Variants in RUVBL1 observed in about 807,000 individuals in gnomAD.
RUVBL1 encodes ruvB-like 1.
A neutral mutation model predicts 52.4 loss-of-function variants in RUVBL1; 4 were observed. The observed-to-expected ratio is 0.08, with a 90% CI of 0.04 to 0.17. The LOEUF is 0.17. RUVBL1 is among the 10% of genes least tolerant of loss of function. RUVBL1 has a pLI of 1.00. For missense variants in RUVBL1, 298 were observed against 572.8 expected (o/e 0.52, Z 4.90); for synonymous variants, 217 against 214.4 (o/e 1.01, Z -0.10).
chr3:128,105,433 T>C (rs1315850762), intron 3 of RUVBL1, among the ~76,000 whole-genome samples: 1 of 152,122 alleles, frequency 6.6e-6, no homozygotes, highest in East Asian at 1.9e-4. Context: ...AATGCAACTT[T>C]TTAAGGGAAC....
chr3:128,123,804 G>C lies in RUVBL1; in HGVS notation c.-80C>G, dbSNP rs559436443. 9.5e-6 allele frequency: 14 copies of C among 1,481,140 alleles called. No individual in the cohort carries two copies. The Admixed American group carries it at 1.8e-4, about 19-fold the overall frequency. 91.7% of individuals were successfully genotyped at this position (1,481,140 alleles called of 1,614,324 possible). A position where few individuals can be genotyped will look rare whatever the true frequency, so the allele number is the denominator to read the frequency against. On this transcript the variant is annotated 5_prime_UTR_variant, in exon 1 of 11. Coordinates refer to ENST00000322623, the MANE Select transcript of RUVBL1 (RefSeq NM_003707.3). Reference sequence around the variant, plus strand: ...CGCCCGGCGCCTGAGTTACCATGCGGCCGTTACTAGGGCAATTTGCAAAGG... The same window carrying C: ...CGCCCGGCGCCTGAGTTACCATGCGCCCGTTACTAGGGCAATTTGCAAAGG...
intron 4 of RUVBL1, among the ~76,000 whole-genome samples, chr3:128,104,560 T>C (rs1022914350): frequency 2.0e-5 from 3 of 152,208 alleles, no homozygotes; most frequent in African/African-American, 7.2e-5. Flanking sequence ...TAGGAGTAAG[T>C]AAGAAAAGAG....
At chr3:128,141,028 T>C (rs1365500192) in intron 1 of RUVBL1, among the ~76,000 whole-genome samples, 2 of 152,230 alleles carry the variant, frequency 1.3e-5, no homozygotes, top group Non-Finnish European at 1.5e-5. Flanking sequence ...CTGTTGTTTT[T>C]ATTGTATTTA....
At chr3:128,074,706 G>T (rs935482833) in intron 9 of RUVBL1, among the ~76,000 whole-genome samples, 7 of 152,010 alleles carry the variant, frequency 4.6e-5, no homozygotes, top group Non-Finnish European at 8.8e-5. Flanking sequence ...GCTGGGTGTG[G>T]TGGCATGCGC....
intron 1 of RUVBL1, among the ~76,000 whole-genome samples, chr3:128,122,084 C>A (rs1206485503): frequency 6.7e-6 from 1 of 149,702 alleles, no homozygotes; most frequent in Non-Finnish European, 1.5e-5. Flanking sequence ...TGCACTTAGG[C>A]ATAGAGCATG....
Position 128,098,995 on chromosome 3 carries a change from G to A in RUVBL1, c.754-50C>T, listed in dbSNP as rs768218387. ...AGTGCTGCTTTCTAAGGTGACTACAGAAGCCTCATCCCCCTGCATCCCACT... is the reference window on the plus strand; with the variant it reads ...AGTGCTGCTTTCTAAGGTGACTACAAAAGCCTCATCCCCCTGCATCCCACT... On this transcript the variant is annotated intron_variant, in intron 6 of 10. Coordinates refer to ENST00000322623, the MANE Select transcript of RUVBL1 (RefSeq NM_003707.3). 4 of 1,493,268 alleles carry A rather than the reference G, an allele frequency of 2.7e-6. No homozygotes were observed. In the African/African-American group the frequency reaches 5.5e-5, roughly 21 times the overall value. The allele number at this position is 1,493,268 out of a possible 1,614,324, so 92.5% of individuals were successfully genotyped here.
chr3:128,081,572 CAGAG>C lies in RUVBL1; in HGVS notation c.1212-167_1212-164del, dbSNP rs1942477397. On this transcript the variant is annotated intron_variant, in intron 10 of 10. Coordinates refer to ENST00000322623, the MANE Select transcript of RUVBL1 (RefSeq NM_003707.3). The surrounding 1 kb of genome is among the most constrained non-coding windows in gnomAD (Gnocchi z 4.8). Reference sequence around the variant, plus strand: ...AAGGGGAGACAAAGTTGTCACTTCTCAGAGAGCTGCAGTCATTATCCCATCAGAG... The same window carrying C: ...AAGGGGAGACAAAGTTGTCACTTCTCAGCTGCAGTCATTATCCCATCAGAG... 3.0e-6 allele frequency: 2 copies of C among 672,936 alleles called. No homozygotes were observed. The highest frequency in any genetic ancestry group is 4.9e-6 in the Non-Finnish European group (2 of 404,456). The allele number at this position is 672,936 out of a possible 1,614,324, so 41.7% of individuals were successfully genotyped here.
chr3:128,071,474 AG>A (rs1470685055), intron 9 of RUVBL1: 1 of 152,694 alleles, frequency 6.5e-6, no homozygotes, highest in Non-Finnish European at 1.5e-5. Flanking sequence ...GGAAGGCACC[AG>A]GCCTCAGGAG....
exon 1 of RUVBL1, chr3:128,153,348 C>T (rs541077038): frequency 1.4e-6 from 2 of 1,380,990 alleles, no homozygotes; most frequent in East Asian, 6.0e-5. Flanking sequence ...GCACGGCGCT[C>T]GGCTGTGCCC....
intron 1 of RUVBL1, among the ~76,000 whole-genome samples, chr3:128,151,405 A>T (rs2107742363): frequency 6.6e-6 from 1 of 151,638 alleles, no homozygotes; most frequent in East Asian, 1.9e-4. Context: ...GATTCTGTTT[A>T]AAACAGAGGT....
intron 3 of RUVBL1, 65 bp downstream of exon 3, chr3:128,112,823 G>C: frequency 6.4e-7 from 1 of 1,562,400 alleles, no homozygotes; most frequent in East Asian, 2.3e-5. Flanking sequence ...TCACCACAAA[G>C]AGGCTTCGGT....
chr3:128,084,943 A>G (rs999355321), intron 9 of RUVBL1: 5 of 152,284 alleles, frequency 3.3e-5, no homozygotes, highest in African/African-American at 9.6e-5. Flanking sequence ...ACAGTACAGA[A>G]CATTCCAGAC....
upstream of RUVBL1, among the ~76,000 whole-genome samples, chr3:128,125,005 C>CTTTTTTTT (rs749620135): frequency 4.9e-5 from 3 of 61,352 alleles, no homozygotes; most frequent in African/African-American, 6.9e-5. Flanking sequence ...CTCACACCGC[C>CTTTTTTTT]TTTTTTTTTT....
intron 5 of RUVBL1, 146 bp downstream of exon 5, chr3:128,101,413 C>T: frequency 1.4e-6 from 1 of 694,298 alleles, no homozygotes; most frequent in Non-Finnish European, 2.5e-6. Flanking sequence ...TAAAGGGCCA[C>T]TAGTTGACCT....
chr3:128,069,403 G>A, intron 9 of RUVBL1: 1 of 1,433,570 alleles, frequency 7.0e-7, no homozygotes, highest in Non-Finnish European at 9.5e-7. Context: ...AAAGTCTCAG[G>A]TGAGCCTGTT....
chr3:128,153,730 C>CCCGAGG (rs757997410), exon 1 of RUVBL1: 1 of 1,556,472 alleles, frequency 6.4e-7, no homozygotes, highest in Admixed American at 1.9e-5. Context: ...CCAGGCAGCG[C>CCCGAGG]CCGAGGCCGA....
At chr3:128,069,361 A>G (rs905289536) in intron 9 of RUVBL1, 2 of 958,842 alleles carry the variant, frequency 2.1e-6, no homozygotes, top group Admixed American at 4.5e-5. Context: ...TTTCTAGGAG[A>G]CAGCAGAGGG....
chr3:128,152,893 C>CCCCCCCCCCCCCCCGCCCCCCATCCT (rs1944252016), intron 1 of RUVBL1, among the ~76,000 whole-genome samples: 3 of 29,768 alleles, frequency 1.0e-4, no homozygotes, highest in Non-Finnish European at 2.0e-4. Context: ...CCCCCTCCCC[C>CCCCCCCCCCCCCCCGCCCCCCATCCT]ACGTCCCCCC....
downstream of RUVBL1, among the ~76,000 whole-genome samples, chr3:128,079,689 G>C (rs1942419378): frequency 6.6e-6 from 1 of 152,350 alleles, no homozygotes; most frequent in African/African-American, 2.4e-5. Context: ...CAGGCCGAGG[G>C]AGAAGATTCA....
Sources: gnomAD v4.1 joint callset for allele counts (sites outside exome capture counted in the v4.1 genomes callset) on GRCh38, gnomAD v4.1.1 for gene constraint, Gnocchi (gnomAD v3.1) non-coding constraint, MANE v1.5 for transcripts, NCBI Gene and HGNC (gene_info 2026-07-23, HGNC 2026-07-21) for gene names.